The following KIF26B variants were observed in gnomAD, a reference collection of about 807,000 sequenced individuals.
KIF26B encodes the protein kinesin-like protein KIF26B.
A neutral mutation model predicts 151.2 loss-of-function variants in KIF26B; 63 were observed. That is an observed-to-expected ratio of 0.42 (90% CI 0.34 to 0.51). The LOEUF is 0.51. Ranked by LOEUF, KIF26B falls within the 20% of genes least tolerant of loss-of-function variation. KIF26B has a pLI of 0.07. For missense variants in KIF26B, 2,813 were observed against 2,913.6 expected, an observed-to-expected ratio of 0.97 and a Z score of 0.79; for synonymous variants, 1,357 against 1,262.1, an observed-to-expected ratio of 1.08 and a Z score of -1.59.
At chr1:245,258,726 C>T (rs1670583966) in intron 2 of KIF26B, among the ~76,000 whole-genome samples, 1 of 152,006 alleles carries the variant, frequency 6.6e-6, no homozygotes, top group Non-Finnish European at 1.5e-5. Context: ...CATAGCAAGG[C>T]AGCTACAGGA....
chr1:245,339,783 C>T (rs894728936), intron 2 of KIF26B, among the ~76,000 whole-genome samples: 2 of 152,196 alleles, frequency 1.3e-5, no homozygotes, highest in Non-Finnish European at 2.9e-5. Context: ...GAGATTCACA[C>T]ATGTATGCTC....
At chr1:245,499,073 T>A (rs892700488) in intron 4 of KIF26B, among the ~76,000 whole-genome samples, 30 of 152,282 alleles carry the variant, frequency 2.0e-4, no homozygotes, top group South Asian at 8.3e-4. Context: ...CCTTTTTTTT[T>A]AAAATCAGTT....
intron 5 of KIF26B, among the ~76,000 whole-genome samples, chr1:245,544,729 C>T (rs555570378): frequency 4.5e-4 from 68 of 152,224 alleles, no homozygotes; most frequent in African/African-American, 1.2e-3. Context: ...AGCAAAATAA[C>T]GTTGGGAACC....
At chr1:245,672,798 A>C (rs1215731853) in intron 10 of KIF26B, among the ~76,000 whole-genome samples, 1 of 152,178 alleles carries the variant, frequency 6.6e-6, no homozygotes, top group Non-Finnish European at 1.5e-5. Flanking sequence ...TCACCTTTCC[A>C]AGGAATGTGG....
intron 5 of KIF26B, among the ~76,000 whole-genome samples, chr1:245,556,886 T>C (rs925295416): frequency 6.6e-6 from 1 of 151,366 alleles, no homozygotes; most frequent in African/African-American, 2.5e-5. Context: ...CTTTCCCCAC[T>C]CTTGCAATGG....
intron 2 of KIF26B, among the ~76,000 whole-genome samples, chr1:245,303,237 C>T (rs1409904318): frequency 1.6e-5 from 2 of 123,526 alleles, no homozygotes; most frequent in African/African-American, 6.4e-5. Flanking sequence ...CTCGCTTTGT[C>T]GCCCAGGCCG....
At chr1:245,610,610 G>C (rs1459200666) in intron 8 of KIF26B, among the ~76,000 whole-genome samples, 1 of 152,182 alleles carries the variant, frequency 6.6e-6, no homozygotes, top group African/African-American at 2.4e-5. Context: ...CCTGTTCCAG[G>C]CATTTTCTAG....
rs371520708 is a variant in KIF26B, at chr1:245,175,987, G to T, written c.465+19304G>T. ...ATATATATAGACATCTATATATATAGATATAGATATATAGATATAGATATA... is the reference window on the plus strand; with the variant it reads ...ATATATATAGACATCTATATATATATATATAGATATATAGATATAGATATA... On this transcript the variant is annotated intron_variant, in intron 2 of 14. Coordinates refer to ENST00000407071, the MANE Select transcript of KIF26B (RefSeq NM_018012.4). Among the ~76,000 whole-genome samples, 51 of 147,698 alleles carry T rather than the reference G, an allele frequency of 3.5e-4. No homozygotes were observed. The East Asian group carries it at 9.7e-3, about 28-fold the overall frequency.
At chr1:245,692,432 A>G (rs1361501078) in intron 12 of KIF26B, among the ~76,000 whole-genome samples, 2 of 152,164 alleles carry the variant, frequency 1.3e-5, no homozygotes, top group Non-Finnish European at 2.9e-5. Context: ...GTCGGGATTG[A>G]GCTTGGTCCG....
chr1:245,514,398 G>A (rs745960564), intron 4 of KIF26B, among the ~76,000 whole-genome samples: 6 of 152,064 alleles, frequency 3.9e-5, no homozygotes, highest in Admixed American at 6.6e-5. Context: ...GCATGGTGGC[G>A]GGCGTCTGTA....
chr1:245,608,293 C>T (rs115482710), intron 7 of KIF26B, among the ~76,000 whole-genome samples: 3,973 of 152,358 alleles, frequency 0.026, 63 homozygotes, highest in Non-Finnish European at 0.035. Flanking sequence ...CATCTTACTT[C>T]TGACCTGTGG....
At chr1:245,292,831 T>A (rs1342225026) in intron 2 of KIF26B, among the ~76,000 whole-genome samples, 1 of 152,144 alleles carries the variant, frequency 6.6e-6, no homozygotes, top group African/African-American at 2.4e-5. Context: ...AGAAGCAATG[T>A]CATAACAACA....
At chr1:245,685,033 T>TC (rs139816291) in intron 11 of KIF26B, among the ~76,000 whole-genome samples, 4,480 of 152,326 alleles carry the variant, frequency 0.029, 191 homozygotes, top group East Asian at 0.11. Context: ...GGGGCCTTTT[T>TC]CCCCCTTCTC....
At chr1:245,208,321 A>G (rs968995418) in intron 2 of KIF26B, among the ~76,000 whole-genome samples, 6 of 152,192 alleles carry the variant, frequency 3.9e-5, no homozygotes, top group Non-Finnish European at 7.3e-5. Context: ...ACCGGAGTTC[A>G]TTGTGCTGTA....
intron 2 of KIF26B, among the ~76,000 whole-genome samples, chr1:245,226,753 G>A (rs1254855611): frequency 2.0e-5 from 3 of 152,098 alleles, no homozygotes; most frequent in East Asian, 1.9e-4. Context: ...ATAAGCCACC[G>A]CACCTGGCCA....
At position 245,556,614 on chromosome 1, in the gene KIF26B, C is replaced by A. The variant is rs552034949; in HGVS notation, c.1350+15664C>A. Among the ~76,000 whole-genome samples the A allele has an allele frequency of 7.9e-5, 12 of 152,260 alleles. No individual in the cohort carries two copies. In the South Asian group the frequency reaches 2.5e-3, roughly 32 times the overall value. On this transcript the variant is annotated intron_variant, in intron 5 of 14. Coordinates refer to ENST00000407071, the MANE Select transcript of KIF26B (RefSeq NM_018012.4). ...ATGGGGTTTTGCCATGTTGCCCAGG[C>A]TGGTCTCAAACTCCTGAGTTCGGAT...
At chr1:245,278,299 A>G (rs1670973881) in intron 2 of KIF26B, among the ~76,000 whole-genome samples, 1 of 152,116 alleles carries the variant, frequency 6.6e-6, no homozygotes, top group Non-Finnish European at 1.5e-5. Context: ...ATCCATTTTC[A>G]TCTGGTACTG....
rs1383485173 is a variant in KIF26B at position 245,418,867 on chromosome 1, G to A, written c.1000-712G>A. ...AGTTTGATTCTTCACAGCTTATTAC[G>A]TAGATTTAGGCAAAATGGACCGAGC... is the stretch of plus-strand genomic sequence containing the variant. On this transcript the variant is annotated intron_variant, in intron 3 of 14. Coordinates refer to ENST00000407071, the MANE Select transcript of KIF26B (RefSeq NM_018012.4). Among the ~76,000 whole-genome samples, 6 of 152,148 alleles carry A rather than the reference G, an allele frequency of 3.9e-5. 1 individual carries two copies. The South Asian group carries it at 6.2e-4, about 16-fold the overall frequency.
At chr1:245,369,510 G>A (rs1036248712) in intron 3 of KIF26B, among the ~76,000 whole-genome samples, 5 of 152,170 alleles carry the variant, frequency 3.3e-5, no homozygotes, top group African/African-American at 1.2e-4. Context: ...ACTTAACTGG[G>A]TGCTTTCTAA....
Sources: gnomAD v4.1 joint callset for allele counts (sites outside exome capture counted in the v4.1 genomes callset) on GRCh38, gnomAD v4.1.1 for gene constraint, MANE v1.5 for transcripts, NCBI Gene and HGNC (gene_info 2026-07-23, HGNC 2026-07-21) for gene names.